Variants in TBCA observed in about 807,000 individuals in gnomAD.
The protein encoded by TBCA is tubulin-specific chaperone A.
A neutral mutation model predicts 15.8 loss-of-function variants in TBCA; 6 were observed. The observed-to-expected ratio is 0.38, with a 90% CI of 0.21 to 0.75. The LOEUF is 0.75. TBCA is among the 30% of genes least tolerant of loss of function. The pLI, the probability that TBCA is intolerant of heterozygous loss-of-function variation, is 0.46. For missense variants in TBCA, 90 were observed against 131.2 expected, an observed-to-expected ratio of 0.69 and a Z score of 1.53; for synonymous variants, 32 against 42.3, an observed-to-expected ratio of 0.76 and a Z score of 0.94.
At chr5:77,716,866 G>C (rs1006034286) in intron 1 of TBCA, among the ~76,000 whole-genome samples, 1 of 152,164 alleles carries the variant, frequency 6.6e-6, no homozygotes, top group East Asian at 1.9e-4. Flanking sequence ...CCCTTCAAAG[G>C]AAGAAACCAA....
intron 2 of TBCA, among the ~76,000 whole-genome samples, chr5:77,699,047 A>G (rs1218379925): frequency 6.7e-6 from 1 of 149,826 alleles, no homozygotes; most frequent in Non-Finnish European, 1.5e-5. Context: ...AAAAAAAAAA[A>G]AAAAAAAAAA....
At chr5:77,773,863 T>C (rs899090622) in intron 1 of TBCA, among the ~76,000 whole-genome samples, 5 of 152,254 alleles carry the variant, frequency 3.3e-5, no homozygotes, top group Non-Finnish European at 7.3e-5. Context: ...AGAAGGCTGT[T>C]TATCTTTTCT....
chr5:77,772,271 AG>A (rs1280772944), intron 1 of TBCA, among the ~76,000 whole-genome samples: 4 of 152,152 alleles, frequency 2.6e-5, no homozygotes, highest in African/African-American at 7.2e-5. Context: ...ATGATCATTC[AG>A]CCCCAACAAT....
intron 1 of TBCA, among the ~76,000 whole-genome samples, chr5:77,739,580 T>C (rs1746986734): frequency 6.6e-6 from 1 of 152,156 alleles, no homozygotes; most frequent in Non-Finnish European, 1.5e-5. Context: ...AAAAATCAGT[T>C]TTTAAACATC....
At chr5:77,702,760 T>C (rs1307126432) in intron 2 of TBCA, among the ~76,000 whole-genome samples, 1 of 152,224 alleles carries the variant, frequency 6.6e-6, no homozygotes, top group East Asian at 1.9e-4. Context: ...GACACCTCTT[T>C]GAATATCTTT....
intron 1 of TBCA, among the ~76,000 whole-genome samples, chr5:77,741,642 G>C (rs894160259): frequency 9.9e-5 from 15 of 152,178 alleles, no homozygotes; most frequent in Non-Finnish European, 1.9e-4. Context: ...AGAGCAGATG[G>C]CTAGGGAGTA....
Position 77,691,175 on chromosome 5 carries a change from A to C in TBCA, c.*243T>G, listed in dbSNP as rs978527523. ...ACCTAACAGATTATAGTTCTCTGTC[A>C]TAAAGTCTATGTGGTTTAATGATAA... On this transcript the variant is annotated 3_prime_UTR_variant, in exon 4 of 4. Transcript: ENST00000380377. The C allele has an allele frequency of 2.3e-6, 1 of 444,236 alleles. No individual in the cohort carries two copies. The highest frequency in any genetic ancestry group is 2.1e-5 in the African/African-American group (1 of 47,828). The allele number at this position is 444,236 out of a possible 1,614,324, so 27.5% of individuals were successfully genotyped here.
intron 1 of TBCA, among the ~76,000 whole-genome samples, chr5:77,718,468 T>G (rs1746454152): frequency 6.6e-6 from 1 of 152,170 alleles, no homozygotes; most frequent in Non-Finnish European, 1.5e-5. Flanking sequence ...AAAATGCAAG[T>G]CAACTGCATT....
At chr5:77,698,944 A>G (rs1211780686) in intron 2 of TBCA, among the ~76,000 whole-genome samples, 1 of 151,876 alleles carries the variant, frequency 6.6e-6, no homozygotes, top group Non-Finnish European at 1.5e-5. Context: ...AGATCAACAT[A>G]AAAACAAAAA....
Position 77,691,275 on chromosome 5 carries a change from A to T in TBCA, c.*143T>A, listed in dbSNP as rs779658536. On this transcript the variant is annotated 3_prime_UTR_variant, in exon 4 of 4. Coordinates refer to ENST00000380377, the MANE Select transcript of TBCA (RefSeq NM_004607.3). ...ATGAACTCATTTATTTGACATATTA[A>T]ATTAGACAAAGAAATATATATGTAA... is the stretch of plus-strand genomic sequence containing the variant. The T allele has an allele frequency of 2.9e-4, 197 of 678,294 alleles. 1 individual carries two copies. Among genetic ancestry groups the T allele is most frequent in the Non-Finnish European group, 2.5e-4 (104 of 410,768 alleles). The allele number at this position is 678,294 out of a possible 1,614,324, so 42.0% of individuals were successfully genotyped here.
intron 2 of TBCA, among the ~76,000 whole-genome samples, chr5:77,696,456 G>A (rs1363940663): frequency 5.9e-5 from 9 of 152,068 alleles, no homozygotes; most frequent in African/African-American, 1.4e-4. Flanking sequence ...GGGCCCTTAC[G>A]CTCTAATGTA....
In TBCA at chr5:77,766,512, A is replaced by ATTTT. The variant is rs1180091515; in HGVS notation, c.53+9689_53+9692dup. On this transcript the variant is annotated intron_variant, in intron 1 of 3. Transcript: ENST00000380377. Reference sequence around the variant, plus strand: ...CTCACTTTTATTTATTTATTTATTTATTTTTTTTTTTTTTTGAGACGGAGT... The same window carrying ATTTT: ...CTCACTTTTATTTATTTATTTATTTATTTTTTTTTTTTTTTTTTTGAGACGGAGT... 8.8e-4 allele frequency among the ~76,000 whole-genome samples: 51 copies of ATTTT among 58,284 alleles called. 12 individuals are homozygous for ATTTT. The highest frequency in any genetic ancestry group is 3.3e-3 in the African/African-American group (43 of 13,104). The allele number at this position is 58,284 out of a possible 152,430, so 38.2% of individuals were successfully genotyped here.
At chr5:77,741,904 T>C (rs1479874120) in intron 1 of TBCA, among the ~76,000 whole-genome samples, 1 of 152,160 alleles carries the variant, frequency 6.6e-6, no homozygotes, top group Non-Finnish European at 1.5e-5. Flanking sequence ...CTGTGATCAC[T>C]GATTCAACAG....
At chr5:77,756,356 A>G (rs776148021) in intron 1 of TBCA, among the ~76,000 whole-genome samples, 1 of 151,002 alleles carries the variant, frequency 6.6e-6, no homozygotes, top group Non-Finnish European at 1.5e-5. Flanking sequence ...CTGCTGCACA[A>G]GTCACAAGGG....
At chr5:77,729,469 A>G (rs899696497) in intron 1 of TBCA, among the ~76,000 whole-genome samples, 4 of 152,224 alleles carry the variant, frequency 2.6e-5, no homozygotes, top group Admixed American at 6.5e-5. Flanking sequence ...AGAGAATTAG[A>G]TAAATGGAAT....
intron 1 of TBCA, among the ~76,000 whole-genome samples, chr5:77,746,445 A>T (rs1440373219): frequency 6.6e-6 from 1 of 152,286 alleles, no homozygotes; most frequent in East Asian, 1.9e-4. Flanking sequence ...ATAAGGGAAG[A>T]TTGTCATACT....
intron 2 of TBCA, among the ~76,000 whole-genome samples, chr5:77,701,546 G>C (rs1469689869): frequency 6.6e-6 from 1 of 151,648 alleles, no homozygotes; most frequent in East Asian, 1.9e-4. Context: ...TTCCTATTGG[G>C]TATCTACCCA....
At chr5:77,750,984 G>T (rs192126997) in intron 1 of TBCA, among the ~76,000 whole-genome samples, 1 of 152,152 alleles carries the variant, frequency 6.6e-6, no homozygotes, top group East Asian at 1.9e-4. Context: ...TAAGATAAGG[G>T]TTATGAAGAC....
intron 1 of TBCA, among the ~76,000 whole-genome samples, chr5:77,714,779 G>C (rs1194003526): frequency 2.0e-5 from 3 of 151,964 alleles, no homozygotes; most frequent in South Asian, 2.1e-4. Context: ...TGTTAGCCAG[G>C]ATGGTCTCAA....
Sources: gnomAD v4.1 joint callset for allele counts (sites outside exome capture counted in the v4.1 genomes callset) on GRCh38, gnomAD v4.1.1 for gene constraint, MANE v1.5 for transcripts, NCBI Gene and HGNC (gene_info 2026-07-23, HGNC 2026-07-21) for gene names.